The following DCDC2 variants were observed in gnomAD, a reference collection of about 807,000 sequenced individuals.
DCDC2 encodes doublecortin domain-containing protein 2.
Under a neutral mutation model 50.2 loss-of-function variants are expected in DCDC2, and 40 were observed. That is an observed-to-expected ratio of 0.80 (90% confidence interval 0.62 to 1.04). The LOEUF is 1.04. Among genes scored for constraint, DCDC2 ranks in the 50% least tolerant of loss-of-function variants. The pLI is 0.00. For synonymous variants in DCDC2, 234 were observed against 210.6 expected, an observed-to-expected ratio of 1.11 and a Z score of -0.96; for missense variants, 570 against 581.9, an observed-to-expected ratio of 0.98 and a Z score of 0.21.
chr6:24,284,657 C>G (rs2034455342), intron 6 of DCDC2, among the ~76,000 whole-genome samples: 1 of 151,656 alleles, frequency 6.6e-6, no homozygotes, highest in Admixed American at 6.6e-5. Flanking sequence ...TATATCACTC[C>G]CTCCCTATAA....
intron 7 of DCDC2, among the ~76,000 whole-genome samples, chr6:24,249,437 A>G (rs1275278181): frequency 6.6e-6 from 1 of 152,198 alleles, no homozygotes; most frequent in African/African-American, 2.4e-5. Flanking sequence ...CTAACATTTT[A>G]AAATAGCAAA....
At chr6:24,235,850 A>G (rs2113786876) in intron 7 of DCDC2, among the ~76,000 whole-genome samples, 1 of 152,318 alleles carries the variant, frequency 6.6e-6, no homozygotes, top group South Asian at 2.1e-4. Flanking sequence ...ACATAATCCC[A>G]TTTACAATAG....
chr6:24,194,750 C>G (rs1475090357), intron 8 of DCDC2, among the ~76,000 whole-genome samples: 3 of 152,194 alleles, frequency 2.0e-5, no homozygotes, highest in South Asian at 2.1e-4. Context: ...GCACTTGTTC[C>G]ACTGCTGACA....
chr6:24,315,214 A>G (rs72830895), intron 2 of DCDC2, among the ~76,000 whole-genome samples: 6,011 of 150,542 alleles, frequency 0.04, 160 homozygotes, highest in Non-Finnish European at 0.061. Flanking sequence ...AAATAGTCCC[A>G]GATAATGCAT....
At chr6:24,343,242 G>A (rs566805206) in intron 2 of DCDC2, among the ~76,000 whole-genome samples, 1 of 151,904 alleles carries the variant, frequency 6.6e-6, no homozygotes, top group Non-Finnish European at 1.5e-5. Context: ...AGTAGAGACG[G>A]GTTTCACCGT....
intron 7 of DCDC2, among the ~76,000 whole-genome samples, chr6:24,232,102 T>G (rs1249181815): frequency 6.6e-6 from 1 of 152,102 alleles, no homozygotes; most frequent in Non-Finnish European, 1.5e-5. Flanking sequence ...TACAGCAATT[T>G]AATCGAATAT....
rs138259696 is a variant in DCDC2, at chr6:24,206,970, T to C, written c.923-1868A>G. On this transcript the variant is annotated intron_variant, in intron 7 of 9. Transcript: ENST00000378454. Reference sequence around the variant, plus strand: ...CAAGAAATGAAGATCAGAAAGGAATTCATAAGAATAAACAGTGATCAAAAA... The same window carrying C: ...CAAGAAATGAAGATCAGAAAGGAATCCATAAGAATAAACAGTGATCAAAAA... Among the ~76,000 whole-genome samples, 448 of 152,140 alleles carry C rather than the reference T, an allele frequency of 2.9e-3. 2 individuals are homozygous for C. Among genetic ancestry groups the C allele is most frequent in the African/African-American group, 9.8e-3 (407 of 41,494 alleles).
At chr6:24,208,887 C>T (rs2113764815) in intron 7 of DCDC2, among the ~76,000 whole-genome samples, 1 of 152,274 alleles carries the variant, frequency 6.6e-6, no homozygotes, top group East Asian at 1.9e-4. Flanking sequence ...ATTATATAAA[C>T]ACCAAATTTT....
intron 7 of DCDC2, among the ~76,000 whole-genome samples, chr6:24,243,925 T>A (rs1581607726): frequency 6.6e-6 from 1 of 152,228 alleles, no homozygotes; most frequent in Admixed American, 6.5e-5. Context: ...TACCATCTGA[T>A]CTGCTTCACG....
rs1049934340 is a variant in DCDC2 at position 24,193,207 on chromosome 6, A to C, written c.1023+11795T>G. Among the ~76,000 whole-genome samples the C allele has an allele frequency of 2.6e-5, 4 of 152,318 alleles. No homozygotes were observed. The South Asian group carries it at 8.3e-4, about 32-fold the overall frequency. ...TTCAGACATGCAAAGTCTCAGAAAA[A>C]TGTGTCTCCCATGAAGCTTTTCTCT... On this transcript the variant is annotated intron_variant, in intron 8 of 9. Coordinates refer to ENST00000378454, the MANE Select transcript of DCDC2 (RefSeq NM_016356.5).
At chr6:24,330,392 G>A (rs1309016327) in intron 2 of DCDC2, among the ~76,000 whole-genome samples, 1 of 152,148 alleles carries the variant, frequency 6.6e-6, no homozygotes, top group Non-Finnish European at 1.5e-5. Flanking sequence ...ACCGTGGGGA[G>A]TACAATAATA....
At chr6:24,253,796 T>C (rs1229107258) in intron 7 of DCDC2, among the ~76,000 whole-genome samples, 1 of 152,176 alleles carries the variant, frequency 6.6e-6, no homozygotes, top group African/African-American at 2.4e-5. Context: ...GAGTCAGTGG[T>C]GAGTGAAGGT....
chr6:24,337,668 C>A (rs962151973), intron 2 of DCDC2, among the ~76,000 whole-genome samples: 4 of 151,772 alleles, frequency 2.6e-5, no homozygotes, highest in Non-Finnish European at 4.4e-5. Context: ...TGTGGTGATG[C>A]GTGCCTGTGA....
chr6:24,244,317 A>G (rs963038940), intron 7 of DCDC2, among the ~76,000 whole-genome samples: 1 of 152,364 alleles, frequency 6.6e-6, no homozygotes, highest in Admixed American at 6.5e-5. Flanking sequence ...AAGCCTAATC[A>G]AAAGATTTTT....
At chr6:24,350,440 G>T (rs937624660) in intron 2 of DCDC2, among the ~76,000 whole-genome samples, 2 of 152,146 alleles carry the variant, frequency 1.3e-5, no homozygotes, top group African/African-American at 4.8e-5. Flanking sequence ...AGGTCTTTCC[G>T]TATAAAATGT....
intron 2 of DCDC2, among the ~76,000 whole-genome samples, chr6:24,307,056 C>T (rs1470367270): frequency 1.3e-5 from 2 of 152,178 alleles, no homozygotes; most frequent in African/African-American, 4.8e-5. Context: ...CAATTCAACA[C>T]TTCACACTTC....
the DCDC2 span, among the ~76,000 whole-genome samples, chr6:24,372,897 C>A: frequency 6.6e-6 from 1 of 151,522 alleles, no homozygotes; most frequent in African/African-American, 2.4e-5. Context: ...GCACATGTAC[C>A]CTAAAACTTA....
chr6:24,355,217 C>T (rs1252804764), intron 1 of DCDC2, among the ~76,000 whole-genome samples: 22 of 151,906 alleles, frequency 1.4e-4, no homozygotes, highest in Admixed American at 1.4e-3. Context: ...GCAAAAATAA[C>T]ATGCAAATCT....
Position 24,293,504 on chromosome 6 carries a change from G to A in DCDC2, c.558-2426C>T, listed in dbSNP as rs544793373. On this transcript the variant is annotated intron_variant, in intron 4 of 9. Transcript: ENST00000378454. ...AATTTCACCTATCCTAAATATATACGCACCCAACACAGGAGCACCCAGATT... is the reference window on the plus strand; with the variant it reads ...AATTTCACCTATCCTAAATATATACACACCCAACACAGGAGCACCCAGATT... 5.3e-5 allele frequency among the ~76,000 whole-genome samples: 8 copies of A among 152,054 alleles called. No individual in the cohort carries two copies. The East Asian group carries it at 9.6e-4, about 18-fold the overall frequency.
Sources: allele counts gnomAD v4.1 joint callset (sites outside exome capture counted in the v4.1 genomes callset), GRCh38; gene constraint gnomAD v4.1.1; transcripts MANE v1.5; gene names NCBI Gene and HGNC (gene_info 2026-07-23, HGNC 2026-07-21).